Variants in CPNE4 observed in about 807,000 individuals in gnomAD.
CPNE4 encodes the protein copine 4.
In CPNE4, 25 loss-of-function variants were observed where a neutral mutation model predicts 67.9. That is an observed-to-expected ratio of 0.37 (90% CI 0.27 to 0.51). The LOEUF (loss-of-function observed/expected upper bound fraction) is 0.51, where lower values mean the gene tolerates loss of function less well. Among genes scored for constraint, CPNE4 ranks in the 20% least tolerant of loss-of-function variants. The pLI is 0.93. For missense variants in CPNE4, 464 were observed against 690.8 expected, an observed-to-expected ratio of 0.67 and a Z score of 3.68; for synonymous variants, 242 against 244.9, an observed-to-expected ratio of 0.99 and a Z score of 0.11.
intron 2 of CPNE4, among the ~76,000 whole-genome samples, chr3:131,734,176 C>A (rs188085696): frequency 1.3e-5 from 2 of 152,350 alleles, no homozygotes; most frequent in African/African-American, 4.8e-5. Flanking sequence ...CCAAATGCCA[C>A]TGGTTAGGGA....
intron 7 of CPNE4, among the ~76,000 whole-genome samples, chr3:131,641,705 A>C (rs2079545847): frequency 6.6e-6 from 1 of 152,220 alleles, no homozygotes; most frequent in Non-Finnish European, 1.5e-5. Flanking sequence ...AGATACCTGT[A>C]CATGCATGTT....
intron 2 of CPNE4, among the ~76,000 whole-genome samples, chr3:131,761,569 C>T (rs1473841954): frequency 6.6e-6 from 1 of 152,022 alleles, no homozygotes; most frequent in Non-Finnish European, 1.5e-5. Flanking sequence ...GAGCTTTTAT[C>T]AATTGGCAGA....
chr3:131,697,148 C>T (rs1287666472), intron 4 of CPNE4, among the ~76,000 whole-genome samples: 1 of 152,200 alleles, frequency 6.6e-6, no homozygotes, highest in African/African-American at 2.4e-5. Context: ...CACCCAAGTA[C>T]AGACCATTCC....
intron 2 of CPNE4, among the ~76,000 whole-genome samples, chr3:131,856,084 A>G (rs1560473706): frequency 6.6e-6 from 1 of 151,938 alleles, no homozygotes; most frequent in African/African-American, 2.4e-5. Flanking sequence ...TGGCCTCAAA[A>G]CACAGGCCAG....
intron 1 of CPNE4, among the ~76,000 whole-genome samples, chr3:132,023,568 A>G (rs1327033392): frequency 7.4e-6 from 1 of 135,928 alleles, no homozygotes; most frequent in Non-Finnish European, 1.5e-5. Context: ...GCTCACTGCA[A>G]GCTCCGCCTC....
chr3:131,768,133 C>T lies in CPNE4; in HGVS notation c.181-44508G>A, dbSNP rs145142038. On this transcript the variant is annotated intron_variant, in intron 2 of 15. Coordinates refer to ENST00000429747, the MANE Select transcript of CPNE4 (RefSeq NM_130808.3). ...AGAAGTGTCAATGCTCTCTTGTTCC[C>T]ACCATTTCTGCAGAAAACCAAGAGC... Among the ~76,000 whole-genome samples the T allele has an allele frequency of 3.0e-3, 450 of 152,170 alleles. 3 individuals are homozygous for T. Among genetic ancestry groups the T allele is most frequent in the African/African-American group, 0.01 (427 of 41,534 alleles).
chr3:131,803,652 C>T (rs1281179240), intron 2 of CPNE4, among the ~76,000 whole-genome samples: 2 of 152,180 alleles, frequency 1.3e-5, no homozygotes, highest in African/African-American at 4.8e-5. Context: ...ACTGAAAACC[C>T]ATACTTTAGA....
Position 131,542,818 on chromosome 3 carries a change from TGG to T in CPNE4, c.1303-27_1303-26del, listed in dbSNP as rs10716194. On this transcript the variant is annotated intron_variant, in intron 14 of 15. Coordinates refer to ENST00000429747, the MANE Select transcript of CPNE4 (RefSeq NM_130808.3). The stretch of plus-strand genomic sequence containing the variant: ...GCTGCAGTCAGATGCCCCATGATGA[TGG>T]GGGGGGGTGAAGAGGTGAGGGAGAC... The T allele has an allele frequency of 4.7e-4, 643 of 1,378,226 alleles. 1 individual carries two copies. Among genetic ancestry groups the T allele is most frequent in the African/African-American group, 1.7e-3 (117 of 70,166 alleles). 85.4% of individuals were successfully genotyped at this position (1,378,226 alleles called of 1,614,324 possible).
At chr3:131,641,468 C>T (rs1305552779) in intron 7 of CPNE4, among the ~76,000 whole-genome samples, 3 of 151,992 alleles carry the variant, frequency 2.0e-5, no homozygotes, top group Admixed American at 6.5e-5. Context: ...AATGCAATAC[C>T]GCCTCACATC....
intron 2 of CPNE4, among the ~76,000 whole-genome samples, chr3:131,824,933 G>A (rs1461354378): frequency 1.3e-5 from 2 of 151,998 alleles, no homozygotes; most frequent in African/African-American, 4.8e-5. Context: ...TACTCAAGTG[G>A]GACCTCTAGT....
At chr3:131,583,101 C>T (rs1402299943) in intron 8 of CPNE4, among the ~76,000 whole-genome samples, 1 of 152,106 alleles carries the variant, frequency 6.6e-6, no homozygotes, top group Non-Finnish European at 1.5e-5. Flanking sequence ...ATGACTCCTT[C>T]AAAATATGGA....
chr3:131,993,472 C>CAAAAAAAAAAA (rs58116331), intron 1 of CPNE4, among the ~76,000 whole-genome samples: 2,186 of 60,244 alleles, frequency 0.036, 353 homozygotes, highest in African/African-American at 0.078. Flanking sequence ...GCAGGAGTGG[C>CAAAAAAAAAAA]AAAAAAAAAA....
intron 14 of CPNE4, among the ~76,000 whole-genome samples, chr3:131,549,553 A>G (rs1936057257): frequency 6.6e-6 from 1 of 152,160 alleles, no homozygotes. Flanking sequence ...CCATTGTTTT[A>G]CTTCCATGGT....
chr3:131,625,462 T>C (rs760161427), intron 7 of CPNE4, among the ~76,000 whole-genome samples: 1 of 152,172 alleles, frequency 6.6e-6, no homozygotes, highest in Non-Finnish European at 1.5e-5. Flanking sequence ...TGAGACATTA[T>C]AGATTTACCC....
intron 1 of CPNE4, chr3:131,925,626 A>C (rs950847542): frequency 6.6e-6 from 1 of 152,228 alleles, no homozygotes; most frequent in Admixed American, 6.5e-5. Context: ...AGAAAAAAAT[A>C]GGAAGAGAAA....
chr3:131,839,877 C>T (rs1222898206), intron 2 of CPNE4, among the ~76,000 whole-genome samples: 4 of 152,068 alleles, frequency 2.6e-5, no homozygotes, highest in Non-Finnish European at 2.9e-5. Flanking sequence ...GGAGGGGTTA[C>T]GTTATGCCAT....
chr3:131,752,259 C>T (rs938725957), intron 2 of CPNE4, among the ~76,000 whole-genome samples: 2 of 152,096 alleles, frequency 1.3e-5, no homozygotes, highest in African/African-American at 4.8e-5. Flanking sequence ...TCTCCCCTGC[C>T]CACCTGGTCT....
chr3:131,589,653 G>A (rs1292983643), intron 7 of CPNE4, among the ~76,000 whole-genome samples: 3 of 152,198 alleles, frequency 2.0e-5, no homozygotes, highest in Non-Finnish European at 4.4e-5. Context: ...GTCTTTGAAA[G>A]TTTCTCTAAA....
chr3:131,902,711 G>A (rs1173031765), intron 2 of CPNE4, among the ~76,000 whole-genome samples: 1 of 152,034 alleles, frequency 6.6e-6, no homozygotes, highest in Non-Finnish European at 1.5e-5. Context: ...AAATAAATAT[G>A]TACAAATAAT....
Sources: gnomAD v4.1 joint callset for allele counts (sites outside exome capture counted in the v4.1 genomes callset) on GRCh38, gnomAD v4.1.1 for gene constraint, MANE v1.5 for transcripts, NCBI Gene and HGNC (gene_info 2026-07-23, HGNC 2026-07-21) for gene names.